SSH2: variants seen among roughly 807,000 people sequenced by gnomAD.
The protein encoded by SSH2 is slingshot protein phosphatase 2, also known as protein phosphatase Slingshot homolog 2.
Under a neutral mutation model 135.2 loss-of-function variants are expected in SSH2, and 37 were observed. That is an observed-to-expected ratio of 0.27 (90% confidence interval 0.21 to 0.36). SSH2 has a LOEUF of 0.36. Ranked by LOEUF, SSH2 falls within the 10% of genes least tolerant of loss-of-function variation. The pLI, the probability that SSH2 is intolerant of heterozygous loss-of-function variation, is 1.00. For synonymous variants in SSH2, 628 were observed against 646.2 expected (o/e 0.97, Z 0.43); for missense variants, 1,408 against 1,765.3 (o/e 0.80, Z 3.63).
chr17:29,749,613 G>A (rs750343705), intron 3 of SSH2, among the ~76,000 whole-genome samples: 110 of 152,340 alleles, frequency 7.2e-4, no homozygotes, highest in Middle Eastern at 6.8e-3. Context: ...TGCTCTGGGT[G>A]AGTCAGTGAG....
At chr17:29,838,187 AACCCAGCC>A (rs1210728419) in intron 2 of SSH2, among the ~76,000 whole-genome samples, 1 of 152,238 alleles carries the variant, frequency 6.6e-6, no homozygotes, top group Non-Finnish European at 1.5e-5. Context: ...GCACTGGTGC[AACCCAGCC>A]ACGTGTATGC....
chr17:29,768,591 C>T (rs1399606298), intron 3 of SSH2, among the ~76,000 whole-genome samples: 2 of 152,044 alleles, frequency 1.3e-5, no homozygotes, highest in Non-Finnish European at 2.9e-5. Flanking sequence ...AATTATTAAG[C>T]TACTTTGAAG....
At chr17:29,718,532 T>C (rs1482731677) in intron 3 of SSH2, among the ~76,000 whole-genome samples, 1 of 151,934 alleles carries the variant, frequency 6.6e-6, no homozygotes, top group African/African-American at 2.4e-5. Context: ...GAGGCTACAG[T>C]CCCGTCCTGG....
intron 2 of SSH2, among the ~76,000 whole-genome samples, chr17:29,818,128 A>G (rs890557605): frequency 1.3e-5 from 2 of 152,126 alleles, no homozygotes; most frequent in African/African-American, 2.4e-5. Flanking sequence ...TGTAAGTGCT[A>G]TATAAATAGT....
chr17:29,860,438 C>CT (rs376815701), intron 1 of SSH2, among the ~76,000 whole-genome samples: 8,882 of 114,246 alleles, frequency 0.078, 1,156 homozygotes, highest in African/African-American at 0.22. Context: ...CCTTTGCCCA[C>CT]TTTTTTTTTT....
chr17:29,915,694 T>C (rs1001511333), intron 1 of SSH2, among the ~76,000 whole-genome samples: 2 of 152,150 alleles, frequency 1.3e-5, no homozygotes, highest in African/African-American at 2.4e-5. Flanking sequence ...TCATTCTGTA[T>C]GGTGCTCCAG....
At chr17:29,658,142 T>C (rs1243460432) in intron 11 of SSH2, among the ~76,000 whole-genome samples, 1 of 151,966 alleles carries the variant, frequency 6.6e-6, no homozygotes, top group African/African-American at 2.4e-5. Context: ...TAGCTGGGAT[T>C]ACAGGTGCGC....
intron 1 of SSH2, among the ~76,000 whole-genome samples, chr17:29,900,188 A>T (rs2066523188): frequency 6.6e-6 from 1 of 152,254 alleles, no homozygotes; most frequent in Non-Finnish European, 1.5e-5. Context: ...CGTCAAAGAA[A>T]ACCTAGGCAA....
At chr17:29,651,818 T>C (rs945711770) in intron 12 of SSH2, among the ~76,000 whole-genome samples, 1 of 151,992 alleles carries the variant, frequency 6.6e-6, no homozygotes, top group African/African-American at 2.4e-5. Context: ...TCAAAGCCCA[T>C]TACTACAAAT....
intron 3 of SSH2, among the ~76,000 whole-genome samples, chr17:29,759,185 G>T (rs1389017635): frequency 6.6e-6 from 1 of 151,950 alleles, no homozygotes; most frequent in African/African-American, 2.4e-5. Flanking sequence ...ATAGGCATGC[G>T]CCACCGCACC....
intron 3 of SSH2, among the ~76,000 whole-genome samples, chr17:29,762,626 A>G (rs2041349599): frequency 6.6e-6 from 1 of 152,160 alleles, no homozygotes; most frequent in African/African-American, 2.4e-5. Context: ...ACGCCTTTAC[A>G]GTTTTAAGCC....
chr17:29,685,560 C>A (rs1324752913), intron 5 of SSH2, among the ~76,000 whole-genome samples: 1 of 151,980 alleles, frequency 6.6e-6, no homozygotes, highest in Non-Finnish European at 1.5e-5. Context: ...CCAAGGTAGG[C>A]AGATCACCAG....
chr17:29,908,931 C>G (rs990100413), intron 1 of SSH2, among the ~76,000 whole-genome samples: 1 of 151,296 alleles, frequency 6.6e-6, no homozygotes, highest in Non-Finnish European at 1.5e-5. Flanking sequence ...AAAAAAATTA[C>G]CCAGGCGTGG....
At chr17:29,884,648 T>C (rs986648975) in intron 1 of SSH2, among the ~76,000 whole-genome samples, 1 of 152,352 alleles carries the variant, frequency 6.6e-6, no homozygotes, top group East Asian at 1.9e-4. Flanking sequence ...TCTTGTACTT[T>C]TGTTAATATC....
chr17:29,634,651 C>G (rs2035821137), intron 15 of SSH2, among the ~76,000 whole-genome samples: 1 of 152,210 alleles, frequency 6.6e-6, no homozygotes, highest in Non-Finnish European at 1.5e-5. Context: ...CTCCCGGGTT[C>G]AAGCGATTCT....
At chr17:29,740,697 C>A (rs2040526869) in intron 3 of SSH2, among the ~76,000 whole-genome samples, 1 of 152,146 alleles carries the variant, frequency 6.6e-6, no homozygotes, top group Admixed American at 6.5e-5. Flanking sequence ...GAAATGCTAA[C>A]TTCATAAGCA....
In SSH2 at chr17:29,631,102, C is replaced by T. The variant is rs1175742307; in HGVS notation, c.4092G>A (p.Lys1364=). 1.1e-5 allele frequency: 18 copies of T among 1,614,236 alleles called. No homozygotes were observed. Among genetic ancestry groups the T allele is most frequent in the Non-Finnish European group, 1.5e-5 (18 of 1,180,044 alleles). ...LTTTECIVQS[K]PVERPLVQYA... is the part of the protein sequence containing the mutation. ...ACTGCACAAGGGGCCTCTCCACTGG[C>T]TTGCTCTGCACAATACACTCTGTTG... The change falls in exon 16 of 16, where the codon AAG becomes AAA. Residue 1364 remains lysine (K), a synonymous_variant. Coordinates refer to ENST00000540801, the MANE Select transcript of SSH2 (RefSeq NM_001282129.2).
chr17:29,647,456 AT>A (rs879539533), intron 14 of SSH2, among the ~76,000 whole-genome samples: 325 of 145,000 alleles, frequency 2.2e-3, no homozygotes, highest in Middle Eastern at 3.6e-3. Flanking sequence ...ACTGGTATCC[AT>A]TTTTTTTTTT....
chr17:29,895,125 A>G (rs2151450102), intron 1 of SSH2, among the ~76,000 whole-genome samples: 1 of 149,464 alleles, frequency 6.7e-6, no homozygotes, highest in East Asian at 2.0e-4. Flanking sequence ...AGATAGATGT[A>G]TTTTATACAT....
Sources: gnomAD v4.1 joint callset for allele counts (sites outside exome capture counted in the v4.1 genomes callset) on GRCh38, gnomAD v4.1.1 for gene constraint, MANE v1.5 for transcripts, NCBI Gene and HGNC (gene_info 2026-07-23, HGNC 2026-07-21) for gene names.